The following SETBP1 variants were observed in gnomAD, a reference collection of about 807,000 sequenced individuals.
The protein encoded by SETBP1 is SET binding protein 1.
Under a neutral mutation model 101.0 loss-of-function variants are expected in SETBP1, and 9 were observed. The ratio of observed to expected loss-of-function variants is 0.09; its 90% CI spans 0.05 to 0.16. SETBP1 has a LOEUF of 0.16. Ranked by LOEUF, SETBP1 falls within the 10% of genes least tolerant of loss-of-function variation. The pLI is 1.00. For synonymous variants in SETBP1, 818 were observed against 788.5 expected (o/e 1.04, Z -0.63); for missense variants, 1,858 against 2,033.8 (o/e 0.91, Z 1.66).
intron 2 of SETBP1, among the ~76,000 whole-genome samples, chr18:44,705,926 C>A (rs1474509777): frequency 6.6e-6 from 1 of 152,198 alleles, no homozygotes; most frequent in African/African-American, 2.4e-5. Context: ...TGCACGGACT[C>A]TTCTAACCAG....
chr18:45,063,487 CGCCGCCCCT>C lies in SETBP1; in HGVS notation c.4587_4595del (p.Leu1530_Pro1532del), dbSNP rs771849515. Reference sequence around the variant, plus strand: ...GCGCCGCCCCTGCCCCCGCCACCGCCGCCGCCCCTGCCGCCACCGCCGCCACCACCCCTG... The same window carrying C: ...GCGCCGCCCCTGCCCCCGCCACCGCCGCCGCCACCGCCGCCACCACCCCTG... On this transcript the variant is annotated inframe_deletion, in exon 6 of 6. Coordinates refer to ENST00000649279, the MANE Select transcript of SETBP1 (RefSeq NM_015559.3). 1.3e-4 allele frequency: 188 copies of C among 1,440,196 alleles called. No individual in the cohort carries two copies. Among genetic ancestry groups the C allele is most frequent in the Non-Finnish European group, 1.5e-4 (169 of 1,099,596 alleles). The allele number at this position is 1,440,196 out of a possible 1,614,324, so 89.2% of individuals were successfully genotyped here.
intron 4 of SETBP1, among the ~76,000 whole-genome samples, chr18:44,978,816 A>C (rs1049547587): frequency 6.6e-6 from 1 of 152,212 alleles, no homozygotes; most frequent in Admixed American, 6.5e-5. Context: ...CTATTGGCTC[A>C]GTTTTAAAAG....
intron 4 of SETBP1, among the ~76,000 whole-genome samples, chr18:44,982,677 A>T (rs2072141370): frequency 1.3e-5 from 2 of 152,192 alleles, no homozygotes; most frequent in Admixed American, 1.3e-4. Context: ...AGAATATATG[A>T]TGCTTCCTCT....
intron 2 of SETBP1, among the ~76,000 whole-genome samples, chr18:44,766,525 CA>C (rs144277660): frequency 1.3e-5 from 2 of 152,186 alleles, no homozygotes; most frequent in Non-Finnish European, 2.9e-5. Flanking sequence ...ATAGTGGTTT[CA>C]GGGGGTGGGT....
chr18:44,734,326 TG>T (rs1204268533), intron 2 of SETBP1, among the ~76,000 whole-genome samples: 1 of 152,230 alleles, frequency 6.6e-6, no homozygotes, highest in African/African-American at 2.4e-5. Flanking sequence ...GTTTCTTCCC[TG>T]GGCCTTCCTG....
chr18:44,744,726 C>G (rs2070189070), intron 2 of SETBP1, among the ~76,000 whole-genome samples: 1 of 151,364 alleles, frequency 6.6e-6, no homozygotes, highest in East Asian at 2.0e-4. Flanking sequence ...ACCACGCGCG[C>G]CGGAGCGCAG....
chr18:44,725,543 G>T (rs902092247), intron 2 of SETBP1, among the ~76,000 whole-genome samples: 58 of 152,168 alleles, frequency 3.8e-4, no homozygotes, highest in Non-Finnish European at 8.8e-5. Context: ...GGTTCATTTT[G>T]TTTTCTAGGC....
chr18:44,988,238 T>G (rs1349300695), intron 4 of SETBP1: 1 of 152,198 alleles, frequency 6.6e-6, no homozygotes, highest in Non-Finnish European at 1.5e-5. Context: ...TAAAAATGAC[T>G]TTTCAGTAGA....
rs568008964 is a variant in SETBP1 at position 44,932,393 on chromosome 18, A to T, written c.541-17488A>T. Among the ~76,000 whole-genome samples, 29 of 152,256 alleles carry T rather than the reference A, an allele frequency of 1.9e-4. 1 individual carries two copies. The South Asian group carries it at 4.3e-3, about 23-fold the overall frequency. On this transcript the variant is annotated intron_variant, in intron 3 of 5. Transcript: ENST00000649279. ...AACATTATTTCCTTCATTTCAACTT[A>T]GGTGAATCTGACAATTATGTGTCTT...
intron 4 of SETBP1, among the ~76,000 whole-genome samples, chr18:44,959,872 G>A (rs2071572581): frequency 6.6e-6 from 1 of 152,160 alleles, no homozygotes; most frequent in Admixed American, 6.5e-5. Context: ...TATGTAAGTG[G>A]AAACACCCAA....
intron 3 of SETBP1, among the ~76,000 whole-genome samples, chr18:44,920,817 A>G (rs1406904757): frequency 6.6e-6 from 1 of 151,888 alleles, no homozygotes; most frequent in Non-Finnish European, 1.5e-5. Context: ...GAGTATACTG[A>G]TAGATTAATT....
Position 44,731,631 on chromosome 18 carries a change from TAC to T in SETBP1, c.486+29820_486+29821del, listed in dbSNP as rs58199613. On this transcript the variant is annotated intron_variant, in intron 2 of 5. Transcript: ENST00000649279. ...TTTAGAAGGGAGGAAAATGGTTCTT[TAC>T]ACACACACACACACACACACGCGCA... is the stretch of plus-strand genomic sequence containing the variant. Among the ~76,000 whole-genome samples the T allele has an allele frequency of 3.4e-3, 513 of 149,290 alleles. 2 individuals are homozygous for T. The highest frequency in any genetic ancestry group is 5.5e-3 in the African/African-American group (223 of 40,866).
At chr18:44,930,456 G>T (rs2070804108) in intron 3 of SETBP1, among the ~76,000 whole-genome samples, 1 of 152,140 alleles carries the variant, frequency 6.6e-6, no homozygotes, top group African/African-American at 2.4e-5. Flanking sequence ...CTCATAAAAT[G>T]AATTAGGAAG....
At chr18:45,016,040 A>C (rs999964871) in intron 4 of SETBP1, among the ~76,000 whole-genome samples, 3 of 152,146 alleles carry the variant, frequency 2.0e-5, no homozygotes, top group Admixed American at 6.5e-5. Context: ...CAGACAATCC[A>C]CCCTAGCATC....
Position 44,856,502 on chromosome 18 carries a change from T to G in SETBP1, c.487-12728T>G, listed in dbSNP as rs543731864. Among the ~76,000 whole-genome samples the G allele has an allele frequency of 3.3e-5, 5 of 152,354 alleles. No homozygotes were observed. In the East Asian group the frequency reaches 9.6e-4, roughly 29 times the overall value. ...GATTATGTGAGATCATCTTTTGAAA[T>G]GTTTCTAGGTTGAGGGAGTAAAGCT... On this transcript the variant is annotated intron_variant, in intron 2 of 5. Transcript: ENST00000649279.
chr18:44,701,570 C>A lies in SETBP1; in HGVS notation c.224C>A (p.Ala75Glu). The A allele has an allele frequency of 6.2e-7, 1 of 1,614,098 alleles. No homozygotes were observed. Among genetic ancestry groups the A allele is most frequent in the Non-Finnish European group, 8.5e-7 (1 of 1,180,026 alleles). ...CGGGATGTGGATTCCAACTCCAACG[C>A]GGACAGTGAGAAATGGGTGGCAGGA... Reference protein sequence around the residue: ...SGRDVDSNSNADSEKWVAGDG... With the variant: ...SGRDVDSNSNEDSEKWVAGDG... The change falls in exon 2 of 6, where the codon GCG (alanine) becomes GAG (glutamate). Residue 75 changes from alanine to glutamate, a missense_variant. By Grantham distance (107) the Ala-to-Glu change is moderately radical. Transcript: ENST00000649279.
chr18:44,700,422 A>G (rs1174422143), intron 1 of SETBP1, among the ~76,000 whole-genome samples: 3 of 152,170 alleles, frequency 2.0e-5, no homozygotes, highest in African/African-American at 7.2e-5. Context: ...CTGTCTAGAA[A>G]GGCTATTTTT....
intron 3 of SETBP1, chr18:44,870,650 G>A (rs34535142): frequency 0.33 from 49,679 of 151,868 alleles, 8,233 homozygotes; most frequent in South Asian, 0.41. Flanking sequence ...AACATTTACC[G>A]CCTACCCCAC....
intron 2 of SETBP1, among the ~76,000 whole-genome samples, chr18:44,725,326 A>T (rs1319994375): frequency 6.6e-6 from 1 of 152,160 alleles, no homozygotes; most frequent in Non-Finnish European, 1.5e-5. Flanking sequence ...TCCTGCACTA[A>T]GTCTGGCTAT....
Sources: gnomAD v4.1 joint callset for allele counts (sites outside exome capture counted in the v4.1 genomes callset) on GRCh38, gnomAD v4.1.1 for gene constraint, MANE v1.5 for transcripts, NCBI Gene and HGNC (gene_info 2026-07-23, HGNC 2026-07-21) for gene names.